The following BMPER variants were observed in gnomAD, a reference collection of about 807,000 sequenced individuals.
The protein encoded by BMPER is BMP-binding endothelial regulator protein.
BMPER carries 45 observed loss-of-function variants against 87.3 expected under a neutral mutation model. The ratio of observed to expected loss-of-function variants is 0.52; its 90% confidence interval spans 0.41 to 0.66. The LOEUF (loss-of-function observed/expected upper bound fraction) is 0.66. BMPER is among the 30% of genes least tolerant of loss of function. The pLI is 0.00. For synonymous variants in BMPER, 326 were observed against 316.2 expected, an observed-to-expected ratio of 1.03 and a Z score of -0.33; for missense variants, 784 against 867.5, an observed-to-expected ratio of 0.90 and a Z score of 1.21.
intron 6 of BMPER, among the ~76,000 whole-genome samples, chr7:34,036,642 C>G (rs1787677535): frequency 6.6e-6 from 1 of 152,160 alleles, no homozygotes; most frequent in African/African-American, 2.4e-5. Context: ...AGCTTTGCCT[C>G]TCCTCTCGGT....
chr7:34,051,979 G>T lies in BMPER; in HGVS notation c.786+9G>T, dbSNP rs376826717. On this transcript the variant is annotated intron_variant, in intron 8 of 14. Transcript: ENST00000649409. ...CAGCTTGTACCTGCAGGGTAAGGCAGCTCTGAGAGGCTGTGGTCCAGCAAT... is the reference window on the plus strand; with the variant it reads ...CAGCTTGTACCTGCAGGGTAAGGCATCTCTGAGAGGCTGTGGTCCAGCAAT... The T allele has an allele frequency of 6.3e-7, 1 of 1,599,714 alleles. No homozygotes were observed.
intron 14 of BMPER, among the ~76,000 whole-genome samples, chr7:34,149,580 G>T (rs1452739281): frequency 1.3e-5 from 2 of 152,094 alleles, no homozygotes; most frequent in Non-Finnish European, 2.9e-5. Flanking sequence ...AATGTCGGGG[G>T]GAGATTCCAG....
At chr7:34,015,833 G>A (rs1787007569) in intron 6 of BMPER, among the ~76,000 whole-genome samples, 1 of 151,924 alleles carries the variant, frequency 6.6e-6, no homozygotes, top group Non-Finnish European at 1.5e-5. Context: ...CTCACGCTGA[G>A]AGATCTGAGC....
At chr7:34,032,733 A>G (rs896592149) in intron 6 of BMPER, among the ~76,000 whole-genome samples, 1 of 152,178 alleles carries the variant, frequency 6.6e-6, no homozygotes, top group Admixed American at 6.6e-5. Context: ...TGCTTTTTAA[A>G]GTAAAATTCA....
At chr7:33,954,204 C>T (rs1785095347) in intron 3 of BMPER, among the ~76,000 whole-genome samples, 1 of 152,124 alleles carries the variant, frequency 6.6e-6, no homozygotes, top group Non-Finnish European at 1.5e-5. Flanking sequence ...GAGAGCCAGA[C>T]ATAATGCCAT....
At chr7:33,977,274 C>G (rs1196387217) in intron 6 of BMPER, among the ~76,000 whole-genome samples, 1 of 145,906 alleles carries the variant, frequency 6.9e-6, no homozygotes, top group Non-Finnish European at 1.5e-5. Context: ...TGATGGAGTA[C>G]ACTAAAAAAA....
intron 11 of BMPER, among the ~76,000 whole-genome samples, chr7:34,068,466 G>A (rs1021090174): frequency 6.6e-6 from 1 of 152,206 alleles, no homozygotes; most frequent in Admixed American, 6.5e-5. Context: ...AACCACACCT[G>A]GTTGGAAATG....
intron 12 of BMPER, among the ~76,000 whole-genome samples, chr7:34,084,588 A>T (rs1585815472): frequency 6.6e-6 from 1 of 152,278 alleles, no homozygotes; most frequent in East Asian, 1.9e-4. Context: ...ATAAACAAAA[A>T]CTCTGGCTAG....
intron 3 of BMPER, among the ~76,000 whole-genome samples, chr7:33,946,647 T>G (rs1442499790): frequency 6.6e-6 from 1 of 152,218 alleles, no homozygotes; most frequent in Non-Finnish European, 1.5e-5. Flanking sequence ...GTTTGTTGAT[T>G]GTTTGAGGAG....
At chr7:33,929,788 G>A (rs1332919084) in intron 2 of BMPER, among the ~76,000 whole-genome samples, 1 of 152,170 alleles carries the variant, frequency 6.6e-6, no homozygotes, top group Non-Finnish European at 1.5e-5. Context: ...GTTTGCAAGG[G>A]TTAAATGACA....
chr7:34,065,827 AC>A (rs964829062), intron 11 of BMPER, among the ~76,000 whole-genome samples: 2 of 152,342 alleles, frequency 1.3e-5, no homozygotes, highest in African/African-American at 4.8e-5. Flanking sequence ...GTCCACTCTT[AC>A]GTGTTTTCAG....
intron 2 of BMPER, among the ~76,000 whole-genome samples, chr7:33,912,903 T>C (rs138256885): frequency 1.3e-5 from 2 of 152,352 alleles, no homozygotes; most frequent in African/African-American, 4.8e-5. Flanking sequence ...CTTCCTTCTT[T>C]CCACACTTCA....
intron 2 of BMPER, among the ~76,000 whole-genome samples, chr7:33,920,563 T>C (rs1451183622): frequency 6.6e-6 from 1 of 151,616 alleles, no homozygotes; most frequent in Non-Finnish European, 1.5e-5. Context: ...GAAGCTGGGA[T>C]TACAGGTGCA....
At chr7:34,103,227 G>A (rs78224748) in intron 13 of BMPER, among the ~76,000 whole-genome samples, 126 of 152,242 alleles carry the variant, frequency 8.3e-4, no homozygotes, top group African/African-American at 2.9e-3. Flanking sequence ...ACAAACATGG[G>A]TGTAGAGAGA....
chr7:34,042,549 T>C (rs955621151), intron 6 of BMPER: 1 of 152,202 alleles, frequency 6.6e-6, no homozygotes, highest in African/African-American at 2.4e-5. Context: ...ACCTAAAATG[T>C]GCAAAACACA....
intron 3 of BMPER, among the ~76,000 whole-genome samples, chr7:33,937,739 A>G (rs1562641233): frequency 6.6e-6 from 1 of 152,160 alleles, no homozygotes; most frequent in Non-Finnish European, 1.5e-5. Flanking sequence ...ACAAGTTTCA[A>G]CACTCAGTTT....
At chr7:34,044,779 G>GA (rs372011197) in intron 6 of BMPER, among the ~76,000 whole-genome samples, 3 of 151,636 alleles carry the variant, frequency 2.0e-5, no homozygotes, top group South Asian at 2.1e-4. Flanking sequence ...TTAAAGAGGT[G>GA]AAAAAAAATA....
At chr7:34,043,443 A>G (rs1787881995) in intron 6 of BMPER, among the ~76,000 whole-genome samples, 1 of 152,210 alleles carries the variant, frequency 6.6e-6, no homozygotes. Flanking sequence ...CCCATTGGCT[A>G]GCATTCAGTC....
At chr7:34,145,382 C>T (rs958376129) in intron 14 of BMPER, among the ~76,000 whole-genome samples, 2 of 152,170 alleles carry the variant, frequency 1.3e-5, no homozygotes, top group African/African-American at 4.8e-5. Flanking sequence ...TATCAGAGTT[C>T]ACCTTCCACA....
Sources: allele counts gnomAD v4.1 joint callset (sites outside exome capture counted in the v4.1 genomes callset), GRCh38; gene constraint gnomAD v4.1.1; transcripts MANE v1.5; gene names NCBI Gene and HGNC (gene_info 2026-07-23, HGNC 2026-07-21).